PLXDC2: variants seen among roughly 807,000 people sequenced by gnomAD.
PLXDC2 encodes plexin domain-containing protein 2.
Under a neutral mutation model 68.9 loss-of-function variants are expected in PLXDC2, and 40 were observed. The observed-to-expected ratio is 0.58, with a 90% confidence interval of 0.45 to 0.76. The LOEUF (loss-of-function observed/expected upper bound fraction) is 0.76, where lower values mean the gene tolerates loss of function less well. Among genes scored for constraint, PLXDC2 ranks in the 30% least tolerant of loss-of-function variants. The pLI, the probability that PLXDC2 is intolerant of heterozygous loss-of-function variation, is 0.00. For synonymous variants in PLXDC2, 243 were observed against 234.2 expected (o/e 1.04, Z -0.34); for missense variants, 644 against 661.9 (o/e 0.97, Z 0.30).
At chr10:20,012,516 G>C (rs1372534519) in intron 2 of PLXDC2, among the ~76,000 whole-genome samples, 1 of 151,084 alleles carries the variant, frequency 6.6e-6, no homozygotes, top group Non-Finnish European at 1.5e-5. Context: ...AGTAGAGATG[G>C]GGTTTTGCCT....
chr10:20,018,802 A>C (rs1177741018), intron 2 of PLXDC2, among the ~76,000 whole-genome samples: 1 of 152,230 alleles, frequency 6.6e-6, no homozygotes, highest in Non-Finnish European at 1.5e-5. Context: ...TTCAATTTTT[A>C]ATAAGACAGG....
At chr10:20,021,967 G>A (rs935697788) in intron 2 of PLXDC2, among the ~76,000 whole-genome samples, 7 of 152,190 alleles carry the variant, frequency 4.6e-5, no homozygotes, top group Non-Finnish European at 4.4e-5. Context: ...AAAGTGCTGG[G>A]ATTACAGGCG....
chr10:20,211,329 G>GA (rs1035323965), intron 9 of PLXDC2, among the ~76,000 whole-genome samples: 4 of 151,854 alleles, frequency 2.6e-5, no homozygotes, highest in Non-Finnish European at 5.9e-5. Context: ...TTAATGATGA[G>GA]AAAAAAAATA....
At chr10:20,143,824 A>G (rs1198055992) in intron 5 of PLXDC2, among the ~76,000 whole-genome samples, 1 of 152,110 alleles carries the variant, frequency 6.6e-6, no homozygotes, top group Non-Finnish European at 1.5e-5. Context: ...TATGACTTGT[A>G]TGTATCAATA....
intron 2 of PLXDC2, among the ~76,000 whole-genome samples, chr10:20,036,956 C>T (rs1342624749): frequency 1.3e-5 from 2 of 152,212 alleles, no homozygotes; most frequent in Non-Finnish European, 2.9e-5. Context: ...TATTCAAACA[C>T]ATGCTTTTAT....
At chr10:19,897,462 C>G (rs978471938) in intron 1 of PLXDC2, among the ~76,000 whole-genome samples, 1 of 151,992 alleles carries the variant, frequency 6.6e-6, no homozygotes, top group East Asian at 1.9e-4. Context: ...TCAGGCTGGT[C>G]TCGAACTCCC....
intron 1 of PLXDC2, among the ~76,000 whole-genome samples, chr10:19,979,564 G>A (rs533169493): frequency 8.7e-4 from 133 of 152,152 alleles, no homozygotes; most frequent in African/African-American, 3.0e-3. Flanking sequence ...CCAAGGTGGG[G>A]TTTTGCCATT....
chr10:20,162,942 G>A (rs1834325586), intron 6 of PLXDC2, among the ~76,000 whole-genome samples: 1 of 149,978 alleles, frequency 6.7e-6, no homozygotes, highest in South Asian at 2.1e-4. Context: ...CCAGCTGGGT[G>A]TGGTGACACA....
chr10:20,176,956 C>T lies in PLXDC2; in HGVS notation c.884-43C>T, dbSNP rs145319406. 5.0e-4 allele frequency: 697 copies of T among 1,395,724 alleles called. 4 individuals carry two copies. The African/African-American group carries it at 7.5e-3, about 15-fold the overall frequency. 86.5% of individuals were successfully genotyped at this position (1,395,724 alleles called of 1,614,324 possible). ...TATTAAAATGCTGTTGTTTTGTAAG[C>T]GAGGAAAGGTTAAAAATTGATTTTT... is the stretch of plus-strand genomic sequence containing the variant. On this transcript the variant is annotated intron_variant, in intron 7 of 13. Transcript: ENST00000377252.
intron 4 of PLXDC2, among the ~76,000 whole-genome samples, chr10:20,122,681 G>A (rs896200233): frequency 2.0e-5 from 3 of 152,186 alleles, no homozygotes; most frequent in Non-Finnish European, 4.4e-5. Flanking sequence ...TCAGGCATTT[G>A]GAAGTTCTTG....
intron 4 of PLXDC2, among the ~76,000 whole-genome samples, chr10:20,110,390 G>T (rs1322618201): frequency 6.6e-6 from 1 of 152,170 alleles, no homozygotes; most frequent in Non-Finnish European, 1.5e-5. Context: ...CCATAAATTT[G>T]TTGTCTCTCC....
chr10:20,072,698 T>C (rs1185641802), intron 4 of PLXDC2, among the ~76,000 whole-genome samples: 2 of 152,182 alleles, frequency 1.3e-5, no homozygotes, highest in Non-Finnish European at 2.9e-5. Context: ...GTTTGAATAC[T>C]TGCTTGTGGG....
chr10:20,026,904 CTT>C (rs1835415491), intron 2 of PLXDC2, among the ~76,000 whole-genome samples: 1 of 124,132 alleles, frequency 8.1e-6, no homozygotes, highest in African/African-American at 3.1e-5. Flanking sequence ...ATAGAATACA[CTT>C]TTATAATATA....
intron 1 of PLXDC2, among the ~76,000 whole-genome samples, chr10:19,860,327 A>G (rs1052598200): frequency 1.6e-4 from 24 of 152,212 alleles, no homozygotes; most frequent in African/African-American, 5.8e-4. Context: ...TCCCCAGTCC[A>G]GTGTGCTTGC....
At position 20,044,135 on chromosome 10, in the gene PLXDC2, C is replaced by CCTCCCTCT. The variant is rs1420390475; in HGVS notation, c.325-2731_325-2730insCCTCTCTC. On this transcript the variant is annotated intron_variant, in intron 2 of 13. Transcript: ENST00000377252. ...TCCTTCCTTCCTTCCTCCCTCCCTC[C>CCTCCCTCT]CTCTCTCTCTTTTTCCTTCCTTCCT... Among the ~76,000 whole-genome samples, 593 of 141,336 alleles carry CCTCCCTCT rather than the reference C, an allele frequency of 4.2e-3. 43 individuals are homozygous for CCTCCCTCT. Among genetic ancestry groups the CCTCCCTCT allele is most frequent in the African/African-American group, 0.015 (565 of 37,120 alleles). 92.7% of individuals were successfully genotyped at this position (141,336 alleles called of 152,430 possible). A position where few individuals can be genotyped will look rare whatever the true frequency, so the allele number is the denominator to read the frequency against.
chr10:20,174,181 G>C (rs1834486963), intron 7 of PLXDC2, among the ~76,000 whole-genome samples: 1 of 152,032 alleles, frequency 6.6e-6, no homozygotes, highest in Non-Finnish European at 1.5e-5. Flanking sequence ...CTTATGGAAA[G>C]GCCACATTAT....
At chr10:20,082,777 C>G (rs74992248) in intron 4 of PLXDC2, among the ~76,000 whole-genome samples, 6,109 of 152,142 alleles carry the variant, frequency 0.04, 165 homozygotes, top group South Asian at 0.067. Flanking sequence ...CCACCTAACG[C>G]CCATCACTGA....
intron 1 of PLXDC2, among the ~76,000 whole-genome samples, chr10:19,911,705 C>T (rs1383572209): frequency 6.6e-6 from 1 of 152,124 alleles, no homozygotes; most frequent in African/African-American, 2.4e-5. Flanking sequence ...CCAGGTAGAA[C>T]CCAGTACTCT....
chr10:19,956,259 A>G (rs924802065), intron 1 of PLXDC2, among the ~76,000 whole-genome samples: 4 of 152,328 alleles, frequency 2.6e-5, no homozygotes, highest in African/African-American at 4.8e-5. Context: ...AAGAATGGCA[A>G]CTACTCTCAG....
Sources: allele counts gnomAD v4.1 joint callset (sites outside exome capture counted in the v4.1 genomes callset), GRCh38; gene constraint gnomAD v4.1.1; transcripts MANE v1.5; gene names NCBI Gene and HGNC (gene_info 2026-07-23, HGNC 2026-07-21).